Variants in GSE1 observed in about 807,000 individuals in gnomAD.
GSE1 encodes genetic suppressor element 1.
Under a neutral mutation model 112.6 loss-of-function variants are expected in GSE1, and 32 were observed. That is an observed-to-expected ratio of 0.28 (90% CI 0.21 to 0.38). The LOEUF (loss-of-function observed/expected upper bound fraction) is 0.38. Among genes scored for constraint, GSE1 ranks in the 10% least tolerant of loss-of-function variants. The probability of loss-of-function intolerance (pLI) is 1.00; values close to 1 mark genes in which losing one functional copy is unlikely to be tolerated. For missense variants in GSE1, 2,348 were observed against 1,699.2 expected (o/e 1.38, Z -6.71); for synonymous variants, 1,115 against 735.6 (o/e 1.52, Z -8.35).
At chr16:85,291,731 G>C (rs1225115150) in intron 1 of GSE1, among the ~76,000 whole-genome samples, 1 of 152,208 alleles carries the variant, frequency 6.6e-6, no homozygotes, top group Non-Finnish European at 1.5e-5. Flanking sequence ...TAGGGGTGAA[G>C]GTCAGGCTGG....
At position 85,409,143 on chromosome 16, in the gene GSE1, GC is replaced by G. The variant is rs1184240283; in HGVS notation, c.2464+51506del. Among the ~76,000 whole-genome samples the G allele has an allele frequency of 4.1e-3, 2 of 482 alleles. 1 individual carries two copies. The highest frequency in any genetic ancestry group is 0.037 in the African/African-American group (2 of 54). 0.3% of individuals were successfully genotyped at this position (482 alleles called of 152,430 possible). A position where few individuals can be genotyped will look rare whatever the true frequency, so the allele number is the denominator to read the frequency against. ...GATAATCCTCACCGTTACACTCAGG[GC>G]CCCCCTGGATAATCCTCACCGTTAC... On this transcript the variant is annotated intron_variant, in intron 2 of 2. Transcript: ENST00000637419.
chr16:85,372,001 C>T (rs1180162740), intron 2 of GSE1, among the ~76,000 whole-genome samples: 1 of 152,184 alleles, frequency 6.6e-6, no homozygotes, highest in Non-Finnish European at 1.5e-5. Context: ...CTCTGCAGAG[C>T]TTCCAGGAGG....
rs111399307 is a variant in GSE1 at position 85,314,557 on chromosome 16, TACAC to T, written c.2284-42897_2284-42894del. Among the ~76,000 whole-genome samples, 319 of 152,058 alleles carry T rather than the reference TACAC, an allele frequency of 2.1e-3. 1 individual carries two copies. Among genetic ancestry groups the T allele is most frequent in the African/African-American group, 6.8e-3 (283 of 41,486 alleles). The stretch of plus-strand genomic sequence containing the variant: ...ACATGCATGCACACACATGAGCATG[TACAC>T]ACACACACGTGAGCATGTGCACACA... On this transcript the variant is annotated intron_variant, in intron 1 of 2. Transcript: ENST00000637419.
At chr16:85,443,225 G>C (rs185813315) in intron 2 of GSE1, among the ~76,000 whole-genome samples, 1 of 152,194 alleles carries the variant, frequency 6.6e-6, no homozygotes. Flanking sequence ...TGCCTGCTCC[G>C]TGAGGGGCTG....
At chr16:85,254,912 G>A (rs970081160) in intron 1 of GSE1, among the ~76,000 whole-genome samples, 7 of 152,180 alleles carry the variant, frequency 4.6e-5, no homozygotes, top group African/African-American at 1.7e-4. Context: ...AGGGGCATCC[G>A]GCCTGCTCTG....
chr16:85,321,173 G>C (rs896764727), intron 1 of GSE1, among the ~76,000 whole-genome samples: 3 of 152,196 alleles, frequency 2.0e-5, no homozygotes, highest in African/African-American at 7.2e-5. Flanking sequence ...TCCTAGAACA[G>C]TTCCTGGCAC....
At chr16:85,244,588 G>T (rs1261210580) in intron 1 of GSE1, among the ~76,000 whole-genome samples, 2 of 152,316 alleles carry the variant, frequency 1.3e-5, no homozygotes, top group Admixed American at 1.3e-4. Flanking sequence ...AGTGGCTCAC[G>T]CATGTAATCC....
intron 1 of GSE1, among the ~76,000 whole-genome samples, chr16:85,248,067 C>T (rs902208266): frequency 2.6e-5 from 4 of 152,248 alleles, no homozygotes; most frequent in African/African-American, 4.8e-5. Context: ...CTCTGTCCAC[C>T]TGCCTGTGGG....
intron 2 of GSE1, 109 bp downstream of exon 2, chr16:85,634,241 G>A (rs925851727): frequency 2.8e-5 from 21 of 763,434 alleles, no homozygotes; most frequent in Non-Finnish European, 3.9e-5. Flanking sequence ...TCTTTCCCAC[G>A]CCGTGTGCTC....
intron 1 of GSE1, among the ~76,000 whole-genome samples, chr16:85,301,976 C>T: frequency 6.6e-6 from 1 of 152,230 alleles, no homozygotes; most frequent in East Asian, 1.9e-4. Context: ...CCTGTCCACC[C>T]TCATGGGGCA....
At chr16:85,567,481 G>A (rs1011569687) in intron 1 of GSE1, among the ~76,000 whole-genome samples, 5 of 152,244 alleles carry the variant, frequency 3.3e-5, no homozygotes, top group South Asian at 4.2e-4. Context: ...CTGGCTGTTC[G>A]CCAGACCGCA....
chr16:85,288,048 T>C (rs1489135656), intron 1 of GSE1, among the ~76,000 whole-genome samples: 1 of 152,190 alleles, frequency 6.6e-6, no homozygotes, highest in Non-Finnish European at 1.5e-5. Context: ...GAGACCAGCC[T>C]GGCCAACATG....
At chr16:85,612,232 C>T (rs2048035465), upstream of GSE1, among the ~76,000 whole-genome samples, 1 of 140,660 alleles carries the variant, frequency 7.1e-6, no homozygotes, top group Non-Finnish European at 1.6e-5. Context: ...GCGCCCGCCG[C>T]GATGGGGTGG....
chr16:85,188,318 G>A (rs1178455133), intron 1 of GSE1, among the ~76,000 whole-genome samples: 4 of 152,238 alleles, frequency 2.6e-5, no homozygotes, highest in African/African-American at 9.7e-5. Context: ...AATTACAGTA[G>A]AGTGTGTGTC....
intron 2 of GSE1, among the ~76,000 whole-genome samples, chr16:85,481,612 G>A (rs923530587): frequency 1.3e-5 from 2 of 152,174 alleles, no homozygotes; most frequent in Admixed American, 6.5e-5. Flanking sequence ...ATTGATGTCC[G>A]TTTTCTGGAA....
At chr16:85,663,186 C>T (rs2052573091) in intron 10 of GSE1, 93 bp downstream of exon 10, 17 of 1,245,412 alleles carry the variant, frequency 1.4e-5, no homozygotes, top group South Asian at 6.2e-5. Flanking sequence ...TGCTAGGTTC[C>T]TCCGAAGTCC....
intron 1 of GSE1, among the ~76,000 whole-genome samples, chr16:85,287,336 C>T (rs1457960539): frequency 1.3e-5 from 2 of 152,168 alleles, no homozygotes; most frequent in Non-Finnish European, 2.9e-5. Context: ...CTGCCCATCC[C>T]CCTGCACCAG....
intron 2 of GSE1, among the ~76,000 whole-genome samples, chr16:85,509,857 A>AC (rs146015266): frequency 0.018 from 2,692 of 150,172 alleles, 103 homozygotes; most frequent in African/African-American, 0.063. Flanking sequence ...GGGATAGGAG[A>AC]CCCCCCCAGC....
At chr16:85,637,661 G>A (rs570170599) in intron 2 of GSE1, among the ~76,000 whole-genome samples, 4 of 152,354 alleles carry the variant, frequency 2.6e-5, no homozygotes, top group African/African-American at 4.8e-5. Context: ...CGGGTCCCAC[G>A]TTGTAAGTGG....
Sources: gnomAD v4.1 joint callset for allele counts (sites outside exome capture counted in the v4.1 genomes callset) on GRCh38, gnomAD v4.1.1 for gene constraint, MANE v1.5 for transcripts, NCBI Gene and HGNC (gene_info 2026-07-23, HGNC 2026-07-21) for gene names.